SEMA3A: variants seen among roughly 807,000 people sequenced by gnomAD.
SEMA3A encodes semaphorin-3A.
Under a neutral mutation model 97.9 loss-of-function variants are expected in SEMA3A, and 29 were observed. The observed-to-expected ratio is 0.30, with a 90% CI of 0.22 to 0.40. The LOEUF is 0.40. Among genes scored for constraint, SEMA3A ranks in the 10% least tolerant of loss-of-function variants. SEMA3A has a pLI of 1.00. For synonymous variants in SEMA3A, 321 were observed against 323.7 expected, an observed-to-expected ratio of 0.99 and a Z score of 0.09; for missense variants, 763 against 951.3, an observed-to-expected ratio of 0.80 and a Z score of 2.60.
chr7:84,453,222 T>G (rs989548931), intron 1 of SEMA3A, among the ~76,000 whole-genome samples: 3 of 150,998 alleles, frequency 2.0e-5, no homozygotes, highest in African/African-American at 7.3e-5. Flanking sequence ...AGTATTATGG[T>G]TCATGAGACT....
intron 2 of SEMA3A, among the ~76,000 whole-genome samples, chr7:84,371,417 T>C (rs1417705275): frequency 1.3e-5 from 2 of 152,022 alleles, no homozygotes; most frequent in Non-Finnish European, 2.9e-5. Context: ...TACTTGAGTT[T>C]TTTAGAAAGT....
At chr7:84,115,047 CATA>C (rs1210036824) in intron 3 of SEMA3A, among the ~76,000 whole-genome samples, 10 of 151,928 alleles carry the variant, frequency 6.6e-5, no homozygotes, top group African/African-American at 2.4e-4. Context: ...TAGAATATGC[CATA>C]ATAAAATGAA....
chr7:84,086,555 A>ATATTATTATATTATATTTACATATAATG (rs1794371464), intron 4 of SEMA3A, among the ~76,000 whole-genome samples: 1 of 78,350 alleles, frequency 1.3e-5, no homozygotes, highest in Non-Finnish European at 2.9e-5. Flanking sequence ...TACATATAAT[A>ATATTATTATATTATATTTACATATAATG]TATTATTATA....
At position 83,981,439 on chromosome 7, in the gene SEMA3A, G is replaced by A. The variant is rs1789413068; in HGVS notation, c.1534C>T (p.Leu512Phe). 5 of 1,613,446 alleles carry A rather than the reference G, an allele frequency of 3.1e-6. No individual in the cohort carries two copies. Among genetic ancestry groups the A allele is most frequent in the African/African-American group, 1.3e-5 (1 of 75,058 alleles). ...YIGSTAGVAQ[L>F]PLHRCDIYGK... ...TAAATATCACACCGGTGTAAAGGGA[G>A]CTGGGCAACCCCAGCCGTTGAACCA... The change falls in exon 14 of 17, where the codon CTC becomes TTC. Residue 512 changes from leucine (L) to phenylalanine (F), a missense_variant. By Grantham distance (22) the Leu-to-Phe change is conservative. Transcript: ENST00000265362.
At chr7:84,371,755 C>A (rs1335237067) in intron 2 of SEMA3A, 3 of 151,682 alleles carry the variant, frequency 2.0e-5, no homozygotes, top group African/African-American at 7.3e-5. Flanking sequence ...TTTTTCGGTT[C>A]CACTTAAAGT....
chr7:83,970,136 G>A (rs192050584), intron 15 of SEMA3A, among the ~76,000 whole-genome samples: 1 of 152,246 alleles, frequency 6.6e-6, no homozygotes, highest in Non-Finnish European at 1.5e-5. Context: ...TATTTTAAAA[G>A]CACCACAGTG....
chr7:84,175,649 T>C (rs1295652192), intron 1 of SEMA3A, among the ~76,000 whole-genome samples: 2 of 152,232 alleles, frequency 1.3e-5, no homozygotes, highest in African/African-American at 4.8e-5. Flanking sequence ...TCTGGATGTC[T>C]GGAAGGTAGA....
chr7:84,134,507 G>C (rs570631451), intron 2 of SEMA3A, among the ~76,000 whole-genome samples: 1 of 152,116 alleles, frequency 6.6e-6, no homozygotes, highest in Admixed American at 6.5e-5. Flanking sequence ...GTATTGCTAC[G>C]ATGGTTCAAG....
chr7:84,194,329 A>G, intron 1 of SEMA3A, 146 bp downstream of exon 1: 1 of 610,850 alleles, frequency 1.6e-6, no homozygotes, highest in Non-Finnish European at 2.9e-6. Flanking sequence ...AAGCGTTTAA[A>G]GCATCTCAGA....
chr7:84,036,817 G>A (rs1584577187), intron 6 of SEMA3A, among the ~76,000 whole-genome samples: 1 of 151,918 alleles, frequency 6.6e-6, no homozygotes, highest in East Asian at 1.9e-4. Context: ...GGTAATCTGA[G>A]TATTCTTAGG....
At chr7:84,171,126 T>C (rs1203553005) in intron 1 of SEMA3A, among the ~76,000 whole-genome samples, 1 of 152,094 alleles carries the variant, frequency 6.6e-6, no homozygotes, top group Admixed American at 6.5e-5. Flanking sequence ...AGAATGGTGC[T>C]CTAATCCCCT....
intron 6 of SEMA3A, among the ~76,000 whole-genome samples, chr7:84,015,509 A>G (rs2116424930): frequency 6.6e-6 from 1 of 152,320 alleles, no homozygotes. Flanking sequence ...TGCTATGTGC[A>G]ACGAAGCTAA....
chr7:84,300,191 TAAAG>T (rs1800975450), intron 3 of SEMA3A, among the ~76,000 whole-genome samples: 1 of 148,592 alleles, frequency 6.7e-6, no homozygotes, highest in African/African-American at 2.6e-5. Flanking sequence ...GTGGATCAAT[TAAAG>T]AAGTCAAATA....
chr7:84,239,608 T>C (rs1026300698), intron 3 of SEMA3A, among the ~76,000 whole-genome samples: 7 of 152,216 alleles, frequency 4.6e-5, no homozygotes, highest in African/African-American at 7.2e-5. Context: ...TTATATTTTA[T>C]AGTTAGCAAT....
chr7:84,322,397 G>A lies in SEMA3A; in HGVS notation c.-168-15105C>T, dbSNP rs375762597. Among the ~76,000 whole-genome samples the A allele has an allele frequency of 2.9e-4, 44 of 152,004 alleles. 1 individual carries two copies. The East Asian group carries it at 8.0e-3, about 28-fold the overall frequency. On this transcript the variant is annotated intron_variant, in intron 2 of 3. Coordinates refer to the SEMA3A transcript ENST00000424555. The stretch of plus-strand genomic sequence containing the variant: ...ATATTTTAATTATGGATATGGCTTG[G>A]CTATGTCCCCAACCAAATCTCACCT...
chr7:84,292,697 G>A (rs1174070206), intron 3 of SEMA3A, among the ~76,000 whole-genome samples: 1 of 151,998 alleles, frequency 6.6e-6, no homozygotes, highest in Admixed American at 6.6e-5. Flanking sequence ...GATAACATTA[G>A]TGACGTTATG....
intron 3 of SEMA3A, among the ~76,000 whole-genome samples, chr7:84,208,195 G>GTAATC (rs1370404493): frequency 6.6e-6 from 1 of 152,150 alleles, no homozygotes; most frequent in East Asian, 1.9e-4. Flanking sequence ...GCTCATGACT[G>GTAATC]TAATCTCAGC....
Position 84,304,563 on chromosome 7 carries a change from G to A in SEMA3A, c.-83+2644C>T, listed in dbSNP as rs112920503. Among the ~76,000 whole-genome samples, 5 of 152,092 alleles carry A rather than the reference G, an allele frequency of 3.3e-5. 1 individual carries two copies. Among genetic ancestry groups the A allele is most frequent in the African/African-American group, 1.2e-4 (5 of 41,534 alleles). On this transcript the variant is annotated intron_variant, in intron 3 of 3. Transcript: ENST00000424555. ...ACTATTTCAAAATTCAATTTATAAAGTATTTCAAAATATTTAGATAAGTTA... is the reference window on the plus strand; with the variant it reads ...ACTATTTCAAAATTCAATTTATAAAATATTTCAAAATATTTAGATAAGTTA...
At chr7:84,250,034 C>G (rs1799569752) in intron 3 of SEMA3A, among the ~76,000 whole-genome samples, 1 of 151,278 alleles carries the variant, frequency 6.6e-6, no homozygotes, top group Non-Finnish European at 1.5e-5. Context: ...TCTTTCCTCT[C>G]TAATCCAAAA....
Sources: gnomAD v4.1 joint callset for allele counts (sites outside exome capture counted in the v4.1 genomes callset) on GRCh38, gnomAD v4.1.1 for gene constraint, MANE v1.5 for transcripts, NCBI Gene and HGNC (gene_info 2026-07-23, HGNC 2026-07-21) for gene names.